The following SLC39A8 variants were observed in gnomAD, a reference collection of about 807,000 sequenced individuals.
SLC39A8 encodes solute carrier family 39 member 8.
A neutral mutation model predicts 40.4 loss-of-function variants in SLC39A8; 15 were observed. The ratio of observed to expected loss-of-function variants is 0.37; its 90% CI spans 0.25 to 0.57. The LOEUF is 0.57. SLC39A8 is among the 20% of genes least tolerant of loss of function. The pLI is 0.75. For missense variants in SLC39A8, 472 were observed against 558.8 expected (o/e 0.84, Z 1.57); for synonymous variants, 223 against 221.6 (o/e 1.01, Z -0.06).
chr4:102,275,072 TA>T (rs1247217292), intron 6 of SLC39A8, among the ~76,000 whole-genome samples: 1 of 152,124 alleles, frequency 6.6e-6, no homozygotes, highest in Non-Finnish European at 1.5e-5. Context: ...GCTAGCATCA[TA>T]ATGACAGGAT....
chr4:102,273,247 G>A (rs755684517), intron 6 of SLC39A8, among the ~76,000 whole-genome samples: 5 of 152,188 alleles, frequency 3.3e-5, no homozygotes, highest in African/African-American at 7.2e-5. Context: ...TGGGGCACTC[G>A]AGCTTGGTGT....
intron 6 of SLC39A8, among the ~76,000 whole-genome samples, chr4:102,271,997 A>G (rs958652142): frequency 7.2e-5 from 11 of 152,098 alleles, no homozygotes; most frequent in Non-Finnish European, 1.5e-5. Context: ...ATATGGTGTC[A>G]TCTCTGCTGT....
intron 6 of SLC39A8, among the ~76,000 whole-genome samples, chr4:102,302,943 G>A (rs952313863): frequency 6.6e-6 from 1 of 151,928 alleles, no homozygotes; most frequent in Non-Finnish European, 1.5e-5. Flanking sequence ...CCTCTTAGCT[G>A]AGTGCTAACA....
chr4:102,258,796 T>TTCTA (rs1731772546), downstream of SLC39A8, among the ~76,000 whole-genome samples: 1 of 152,222 alleles, frequency 6.6e-6, no homozygotes. Flanking sequence ...AAGTGATGTA[T>TTCTA]TCTAGTTCTC....
intron 2 of SLC39A8, among the ~76,000 whole-genome samples, chr4:102,328,317 G>T (rs1735305078): frequency 6.6e-6 from 1 of 150,878 alleles, no homozygotes; most frequent in African/African-American, 2.4e-5. Context: ...TACAATGGGT[G>T]CTTCTCAGGC....
At chr4:102,254,921 C>T (rs543956253) in intron 11 of SLC39A8, among the ~76,000 whole-genome samples, 1 of 152,256 alleles carries the variant, frequency 6.6e-6, no homozygotes, top group South Asian at 2.1e-4. Flanking sequence ...ATGTTAGTTA[C>T]CCTCTCATAG....
At chr4:102,327,569 T>C (rs1037947808) in intron 2 of SLC39A8, among the ~76,000 whole-genome samples, 1 of 152,214 alleles carries the variant, frequency 6.6e-6, no homozygotes, top group Non-Finnish European at 1.5e-5. Context: ...ACTCCAGACA[T>C]CCCTGTTATC....
intron 5 of SLC39A8, among the ~76,000 whole-genome samples, chr4:102,304,744 T>G (rs1734088675): frequency 6.6e-6 from 1 of 151,642 alleles, no homozygotes. Flanking sequence ...ATTATGCACA[T>G]CTGTTATTCA....
chr4:102,288,356 G>A (rs75741633), intron 6 of SLC39A8, among the ~76,000 whole-genome samples: 58 of 152,160 alleles, frequency 3.8e-4, no homozygotes, highest in Admixed American at 1.2e-3. Context: ...TGTTCTGACT[G>A]CTCCGGTGAC....
In SLC39A8 at chr4:102,315,673, G is replaced by A; in HGVS notation, c.377C>T (p.Ser126Leu). 6.2e-7 allele frequency: 1 copy of A among 1,606,050 alleles called. No individual in the cohort carries two copies. The highest frequency in any genetic ancestry group is 1.3e-5 in the African/African-American group (1 of 74,728). Reference sequence around the variant, plus strand: ...AAAAAATGCTTCTAATATACCTTCTGAATGACTTGGTCTTGTTTTGTGCTT... The same window carrying A: ...AAAAAATGCTTCTAATATACCTTCTAAATGACTTGGTCTTGTTTTGTGCTT... Reference protein sequence around the residue: ...RPKHKTRPSHSEVWGYGFLSV... With the variant: ...RPKHKTRPSHLEVWGYGFLSV... Residue 126 changes from serine (S) to leucine (L), a missense_variant, in exon 3 of 9, where the codon TCA becomes TTA. Ser to Leu is a moderately radical substitution (Grantham distance 145, BLOSUM62 -2). Coordinates refer to ENST00000356736, the MANE Select transcript of SLC39A8 (RefSeq NM_001135146.2).
At chr4:102,256,217 A>G (rs1462713015) in intron 11 of SLC39A8, among the ~76,000 whole-genome samples, 1 of 152,220 alleles carries the variant, frequency 6.6e-6, no homozygotes, top group East Asian at 1.9e-4. Flanking sequence ...CGTCTCAGCA[A>G]TACAGTCACA....
chr4:102,264,498 G>C (rs1486781771), intron 8 of SLC39A8, among the ~76,000 whole-genome samples: 2 of 152,176 alleles, frequency 1.3e-5, no homozygotes, highest in African/African-American at 4.8e-5. Flanking sequence ...TAATTCCTAA[G>C]GGCCCTAGGA....
chr4:102,315,703 C>T lies in SLC39A8; in HGVS notation c.347G>A (p.Arg116Gln), dbSNP rs754865334. The change falls in exon 3 of 9, where the codon CGG (arginine) becomes CAG (glutamine). Residue 116 changes from arginine (R) to glutamine (Q), a missense_variant. By Grantham distance (43) the Arg-to-Gln change is conservative. This residue lies in a region of SLC39A8 where 175 missense variants were observed against 160.5 expected (regional missense o/e 1.09). Transcript: ENST00000356736. ...QQLNFHPCED[R>Q]PKHKTRPSHS... ...ACTTGGTCTTGTTTTGTGCTTGGGC[C>T]GATCCTCACATGGGTGAAAGTTCAA... 2 of 1,612,274 alleles carry T rather than the reference C, an allele frequency of 1.2e-6. No individual in the cohort carries two copies. The highest frequency in any genetic ancestry group is 1.1e-5 in the South Asian group (1 of 90,796).
chr4:102,319,102 A>T (rs571367108), intron 2 of SLC39A8, among the ~76,000 whole-genome samples: 11 of 152,370 alleles, frequency 7.2e-5, no homozygotes, highest in African/African-American at 2.6e-4. Context: ...ATTACAAAAG[A>T]GACCGCAAAG....
chr4:102,297,714 C>T (rs779328525), intron 6 of SLC39A8, among the ~76,000 whole-genome samples: 3 of 151,914 alleles, frequency 2.0e-5, no homozygotes, highest in Non-Finnish European at 4.4e-5. Flanking sequence ...ACCTGGAGTT[C>T]AAGATCAGCC....
At chr4:102,255,966 C>A (rs1731700486) in intron 11 of SLC39A8, among the ~76,000 whole-genome samples, 1 of 152,158 alleles carries the variant, frequency 6.6e-6, no homozygotes, top group South Asian at 2.1e-4. Context: ...GACATGAATT[C>A]TGAGGCTTAC....
At chr4:102,270,362 G>C (rs762876852) in intron 6 of SLC39A8, among the ~76,000 whole-genome samples, 6 of 152,116 alleles carry the variant, frequency 3.9e-5, no homozygotes, top group Non-Finnish European at 8.8e-5. Context: ...ATACTGTTGA[G>C]CAGGTAAGAG....
intron 6 of SLC39A8, among the ~76,000 whole-genome samples, chr4:102,284,171 G>A (rs771817460): frequency 6.6e-6 from 1 of 152,152 alleles, no homozygotes; most frequent in Non-Finnish European, 1.5e-5. Context: ...ATTGAGTAGT[G>A]GTGATGTCAG....
chr4:102,255,557 T>A (rs1343736253), intron 11 of SLC39A8, among the ~76,000 whole-genome samples: 1 of 152,162 alleles, frequency 6.6e-6, no homozygotes, highest in Non-Finnish European at 1.5e-5. Context: ...CTTAGAAGTT[T>A]CTGTGTAAAG....
Sources: gnomAD v4.1 joint callset for allele counts (sites outside exome capture counted in the v4.1 genomes callset) on GRCh38, gnomAD v4.1.1 for gene constraint, gnomAD v4.1.1 regional missense constraint, MANE v1.5 for transcripts, NCBI Gene and HGNC (gene_info 2026-07-23, HGNC 2026-07-21) for gene names.